Variants in SAMD12 observed in about 807,000 individuals in gnomAD.
The protein encoded by SAMD12 is sterile alpha motif domain-containing protein 12.
A neutral mutation model predicts 15.0 loss-of-function variants in SAMD12; 9 were observed. The ratio of observed to expected loss-of-function variants is 0.60; its 90% CI spans 0.36 to 1.05. SAMD12 has a LOEUF of 1.05. Among genes scored for constraint, SAMD12 ranks in the 50% least tolerant of loss-of-function variants. The pLI is 0.01. For missense variants in SAMD12, 230 were observed against 234.2 expected, an observed-to-expected ratio of 0.98 and a Z score of 0.12; for synonymous variants, 86 against 90.1, an observed-to-expected ratio of 0.96 and a Z score of 0.25.
chr8:118,171,117 G>T, the SAMD12 span, among the ~76,000 whole-genome samples: 1 of 152,122 alleles, frequency 6.6e-6, no homozygotes, highest in Non-Finnish European at 1.5e-5. Flanking sequence ...CTAAAATCAC[G>T]TTGAGATACC....
rs749024155 is a variant in SAMD12, at chr8:118,379,425, G to C, written c.598C>G (p.Gln200Glu). 6.2e-7 allele frequency: 1 copy of C among 1,613,124 alleles called. No individual in the cohort carries two copies. Among genetic ancestry groups the C allele is most frequent in the Non-Finnish European group, 8.5e-7 (1 of 1,179,500 alleles). Residue 200 changes from glutamine to glutamate, a missense_variant, in exon 4 of 4, where the codon CAG becomes GAG. Coordinates refer to ENST00000314727, the MANE Select transcript of SAMD12 (RefSeq NM_207506.3). ...HRISIIENSI[Q>E]I ...TTCAAAGGGAAGTAATCTTAAATCTGTATACTATTTTCTATGATGGAAATT... is the reference window on the plus strand; with the variant it reads ...TTCAAAGGGAAGTAATCTTAAATCTCTATACTATTTTCTATGATGGAAATT...
the SAMD12 span, among the ~76,000 whole-genome samples, chr8:118,136,590 CTGGGT>C: frequency 6.6e-6 from 1 of 152,180 alleles, no homozygotes; most frequent in African/African-American, 2.4e-5. Flanking sequence ...CAAGTATGGG[CTGGGT>C]TTTCCCACGA....
the SAMD12 span, among the ~76,000 whole-genome samples, chr8:118,141,137 C>A: frequency 6.6e-6 from 1 of 152,152 alleles, no homozygotes; most frequent in Non-Finnish European, 1.5e-5. Context: ...AGATAAGCAG[C>A]TACAGAAGCA....
chr8:118,195,984 G>T (rs1819547039), exon 5 of SAMD12: 1 of 152,206 alleles, frequency 6.6e-6, no homozygotes, highest in South Asian at 2.1e-4. Context: ...TCCTGGTGCT[G>T]ACCTGCCGAA....
chr8:118,504,169 A>G (rs1824860428), intron 2 of SAMD12, among the ~76,000 whole-genome samples: 1 of 152,206 alleles, frequency 6.6e-6, no homozygotes, highest in African/African-American at 2.4e-5. Flanking sequence ...TTGAGTGGGA[A>G]GAAAAGGCCA....
At chr8:118,235,777 C>T (rs1416237768) in intron 4 of SAMD12, among the ~76,000 whole-genome samples, 1 of 152,126 alleles carries the variant, frequency 6.6e-6, no homozygotes, top group Non-Finnish European at 1.5e-5. Flanking sequence ...GGGAAACAGG[C>T]AAATAAACAT....
intron 4 of SAMD12, among the ~76,000 whole-genome samples, chr8:118,320,216 T>C (rs1816159656): frequency 6.6e-6 from 1 of 152,126 alleles, no homozygotes; most frequent in Non-Finnish European, 1.5e-5. Context: ...AGAATGGCTA[T>C]CTTGTGAAAA....
intron 3 of SAMD12, among the ~76,000 whole-genome samples, chr8:118,385,642 C>T (rs1819914892): frequency 6.6e-6 from 1 of 152,156 alleles, no homozygotes; most frequent in African/African-American, 2.4e-5. Flanking sequence ...CACTAACATG[C>T]TGGGGGTGTC....
intron 4 of SAMD12, among the ~76,000 whole-genome samples, chr8:118,218,447 A>G (rs1386117777): frequency 1.3e-5 from 2 of 152,122 alleles, no homozygotes; most frequent in African/African-American, 4.8e-5. Context: ...ATTATTAACT[A>G]TAATCACCAT....
At chr8:118,462,890 C>G (rs1437140863) in intron 2 of SAMD12, among the ~76,000 whole-genome samples, 4 of 151,984 alleles carry the variant, frequency 2.6e-5, no homozygotes, top group Non-Finnish European at 5.9e-5. Flanking sequence ...ATCACGAGGT[C>G]AGGAGATCGA....
intron 3 of SAMD12, among the ~76,000 whole-genome samples, chr8:118,397,487 C>G (rs572484852): frequency 1.3e-5 from 2 of 152,216 alleles, no homozygotes; most frequent in South Asian, 4.1e-4. Flanking sequence ...ACAGAAACCC[C>G]AAGTCTACAG....
chr8:118,538,299 G>C (rs1825902918), intron 2 of SAMD12, among the ~76,000 whole-genome samples: 1 of 152,054 alleles, frequency 6.6e-6, no homozygotes. Flanking sequence ...AAGTCCACTG[G>C]CTACAAGCCC....
At chr8:118,273,211 T>C (rs943018537) in intron 4 of SAMD12, among the ~76,000 whole-genome samples, 1 of 152,166 alleles carries the variant, frequency 6.6e-6, no homozygotes, top group African/African-American at 2.4e-5. Context: ...AGAAAACATG[T>C]CCTTCTTCAC....
chr8:118,368,879 T>C (rs1353263708), intron 4 of SAMD12, among the ~76,000 whole-genome samples: 1 of 152,194 alleles, frequency 6.6e-6, no homozygotes, highest in Non-Finnish European at 1.5e-5. Flanking sequence ...TTATACAGGC[T>C]TCCCTTTCTG....
chr8:118,341,377 A>C (rs1051670574), intron 4 of SAMD12, among the ~76,000 whole-genome samples: 1 of 152,226 alleles, frequency 6.6e-6, no homozygotes, highest in African/African-American at 2.4e-5. Context: ...CCCACCTCTC[A>C]AGTAAAGAAA....
chr8:118,160,011 C>T, the SAMD12 span, among the ~76,000 whole-genome samples: 18 of 152,248 alleles, frequency 1.2e-4, no homozygotes, highest in East Asian at 1.2e-3. Context: ...TGAGCCACTG[C>T]GCCCGGCCCA....
chr8:118,303,268 G>C (rs527998250), intron 4 of SAMD12, among the ~76,000 whole-genome samples: 1 of 152,302 alleles, frequency 6.6e-6, no homozygotes, highest in East Asian at 1.9e-4. Context: ...TTTCATGTCA[G>C]AGACAACTTA....
In SAMD12 at chr8:118,481,109, AT is replaced by A. The variant is rs769363724; in HGVS notation, c.193-41149del. Reference sequence around the variant, plus strand: ...AGGTGTGTGCCACCAAGCCTGGCTAATTTTTTTTTTATTTTTTATTTTTAGT... The same window carrying A: ...AGGTGTGTGCCACCAAGCCTGGCTAATTTTTTTTTATTTTTTATTTTTAGT... On this transcript the variant is annotated intron_variant, in intron 2 of 3. Coordinates refer to ENST00000314727, the MANE Select transcript of SAMD12 (RefSeq NM_207506.3). Among the ~76,000 whole-genome samples the A allele has an allele frequency of 9.0e-4, 135 of 149,856 alleles. 2 individuals are homozygous for A. The East Asian group carries it at 0.021, about 24-fold the overall frequency.
intron 1 of SAMD12, among the ~76,000 whole-genome samples, chr8:118,585,454 T>C (rs1827414452): frequency 6.6e-6 from 1 of 152,184 alleles, no homozygotes; most frequent in African/African-American, 2.4e-5. Context: ...TTAATGTATA[T>C]TTTGTCACAA....
Sources: allele counts gnomAD v4.1 joint callset (sites outside exome capture counted in the v4.1 genomes callset), GRCh38; gene constraint gnomAD v4.1.1; transcripts MANE v1.5; gene names NCBI Gene and HGNC (gene_info 2026-07-23, HGNC 2026-07-21).